The following GALR1 variants were observed in gnomAD, a reference collection of about 807,000 sequenced individuals.
GALR1 encodes the protein galanin receptor type 1.
GALR1 carries 11 observed loss-of-function variants against 17.9 expected under a neutral mutation model. That is an observed-to-expected ratio of 0.62 (90% CI 0.39 to 1.02). The LOEUF is 1.02. GALR1 is among the 50% of genes least tolerant of loss of function. The pLI is 0.01. For missense variants in GALR1, 441 were observed against 456.9 expected, an observed-to-expected ratio of 0.97 and a Z score of 0.32; for synonymous variants, 206 against 205.7, an observed-to-expected ratio of 1.00 and a Z score of -0.01.
At chr18:77,257,163 C>A (rs2144954512) in intron 2 of GALR1, among the ~76,000 whole-genome samples, 1 of 152,284 alleles carries the variant, frequency 6.6e-6, no homozygotes, top group African/African-American at 2.4e-5. Flanking sequence ...TAAAGGACAG[C>A]TCTTCCTGAC....
At chr18:77,260,472 C>T (rs1410721021) in intron 2 of GALR1, among the ~76,000 whole-genome samples, 3 of 152,224 alleles carry the variant, frequency 2.0e-5, no homozygotes, top group African/African-American at 4.8e-5. Flanking sequence ...GCTCCCCCCA[C>T]CTCATGACCT....
chr18:77,262,785 C>G (rs941763565), intron 2 of GALR1, among the ~76,000 whole-genome samples: 2 of 152,238 alleles, frequency 1.3e-5, no homozygotes, highest in Non-Finnish European at 2.9e-5. Context: ...ATTAAGCCTT[C>G]TTTCCTGATA....
In GALR1 at chr18:77,268,766, T is replaced by C. The variant is rs989912271; in HGVS notation, c.914T>C (p.Phe305Ser). 18 of 1,614,092 alleles carry C rather than the reference T, an allele frequency of 1.1e-5. No homozygotes were observed. Among genetic ancestry groups the C allele is most frequent in the Non-Finnish European group, 1.4e-5 (17 of 1,180,046 alleles). ...TCCGTGAATCCTATCATTTATGCAT[T>C]TCTCTCTGAAAATTTCAGGAAGGCC... Reference protein sequence around the residue: ...NSSVNPIIYAFLSENFRKAYK... With the variant: ...NSSVNPIIYASLSENFRKAYK... The change falls in exon 3 of 3, where the codon TTT (phenylalanine) becomes TCT (serine). Residue 305 changes from phenylalanine to serine, a missense_variant. Phe to Ser is a radical substitution (Grantham distance 155). Transcript: ENST00000299727.
intron 1 of GALR1, chr18:77,253,864 AGC>A (rs1912525013): frequency 1.3e-5 from 2 of 152,206 alleles, no homozygotes; most frequent in Non-Finnish European, 2.9e-5. Context: ...TTTGTAAGGG[AGC>A]AGTCTTTTGC....
rs1360744026 is a variant in GALR1, at chr18:77,271,710, G to T, written c.*2808G>T. On this transcript the variant is annotated 3_prime_UTR_variant, in exon 3 of 3. Transcript: ENST00000299727. ...ACTCACATTTTCAGTTTACTTCAAAGAAAACTGATGCTTTCTAAGCAGATT... is the reference window on the plus strand; with the variant it reads ...ACTCACATTTTCAGTTTACTTCAAATAAAACTGATGCTTTCTAAGCAGATT... The T allele has an allele frequency of 6.6e-6, 1 of 152,158 alleles. No homozygotes were observed. Among genetic ancestry groups the T allele is most frequent in the Non-Finnish European group, 1.5e-5 (1 of 68,024 alleles). 9.4% of individuals were successfully genotyped at this position (152,158 alleles called of 1,614,324 possible).
In GALR1 at chr18:77,270,853, C is replaced by T. The variant is rs1331242734; in HGVS notation, c.*1951C>T. On this transcript the variant is annotated 3_prime_UTR_variant, in exon 3 of 3. Coordinates refer to ENST00000299727, the MANE Select transcript of GALR1 (RefSeq NM_001480.4). ...GTCTTAAAGAATATGTCCTTTGCAT[C>T]GAATGTTTTTTGCACTTTATTCAAA... 1.3e-5 allele frequency: 2 copies of T among 152,110 alleles called. No individual in the cohort carries two copies. The highest frequency in any genetic ancestry group is 2.9e-5 in the Non-Finnish European group (2 of 68,018). 9.4% of individuals were successfully genotyped at this position (152,110 alleles called of 1,614,324 possible).
At chr18:77,267,981 T>C (rs575401727) in intron 2 of GALR1, among the ~76,000 whole-genome samples, 6 of 152,340 alleles carry the variant, frequency 3.9e-5, no homozygotes, top group African/African-American at 1.4e-4. Context: ...GATTTCTAAG[T>C]ATTTCTGATT....
In GALR1 at chr18:77,270,685, C is replaced by T. The variant is rs187798549; in HGVS notation, c.*1783C>T. On this transcript the variant is annotated 3_prime_UTR_variant, in exon 3 of 3. Coordinates refer to ENST00000299727, the MANE Select transcript of GALR1 (RefSeq NM_001480.4). ...AGCTCATTCACTTACTTTCACTAAT[C>T]ATATTTCAGTGACTAGTGTTTACAT... 2.1e-4 allele frequency: 32 copies of T among 152,182 alleles called. No individual in the cohort carries two copies. In the East Asian group the frequency reaches 5.6e-3, roughly 27 times the overall value. The allele number at this position is 152,182 out of a possible 1,614,324, so 9.4% of individuals were successfully genotyped here. A position where few individuals can be genotyped will look rare whatever the true frequency, so the allele number is the denominator to read the frequency against.
At chr18:77,255,049 T>C (rs1912555124) in intron 1 of GALR1, among the ~76,000 whole-genome samples, 1 of 152,230 alleles carries the variant, frequency 6.6e-6, no homozygotes, top group Non-Finnish European at 1.5e-5. Flanking sequence ...AGCAGGCTTT[T>C]GCAATAAGTT....
At position 77,269,823 on chromosome 18, in the gene GALR1, T is replaced by C. The variant is rs1913025169; in HGVS notation, c.*921T>C. On this transcript the variant is annotated 3_prime_UTR_variant, in exon 3 of 3. Transcript: ENST00000299727. The stretch of plus-strand genomic sequence containing the variant: ...CTATGGGACCAAAGACTAGACAGAA[T>C]TCAGTAAGTCACATGAAGTAATGGT... The C allele has an allele frequency of 6.6e-6, 1 of 152,200 alleles. No individual in the cohort carries two copies. The highest frequency in any genetic ancestry group is 6.5e-5 in the Admixed American group (1 of 15,282). The allele number at this position is 152,200 out of a possible 1,614,324, so 9.4% of individuals were successfully genotyped here. A position where few individuals can be genotyped will look rare whatever the true frequency, so the allele number is the denominator to read the frequency against.
chr18:77,272,812 G>A lies in GALR1; in HGVS notation c.*3910G>A, dbSNP rs1913088532. On this transcript the variant is annotated 3_prime_UTR_variant, in exon 3 of 3. Coordinates refer to ENST00000299727, the MANE Select transcript of GALR1 (RefSeq NM_001480.4). ...TTAAAATTCAGATAGTTACATGTTGGCCTGGAAAGAACAAAATTATGAAAT... is the reference window on the plus strand; with the variant it reads ...TTAAAATTCAGATAGTTACATGTTGACCTGGAAAGAACAAAATTATGAAAT... The A allele has an allele frequency of 6.6e-6, 1 of 152,154 alleles. No individual in the cohort carries two copies. Among genetic ancestry groups the A allele is most frequent in the African/African-American group, 2.4e-5 (1 of 41,436 alleles). The allele number at this position is 152,154 out of a possible 1,614,324, so 9.4% of individuals were successfully genotyped here. A position where few individuals can be genotyped will look rare whatever the true frequency, so the allele number is the denominator to read the frequency against.
rs1913115612 is a variant in GALR1, at chr18:77,274,310, A to C, written c.*5408A>C. The C allele has an allele frequency of 1.3e-5, 2 of 152,168 alleles. No homozygotes were observed. The highest frequency in any genetic ancestry group is 1.3e-4 in the Admixed American group (2 of 15,278). The allele number at this position is 152,168 out of a possible 1,614,324, so 9.4% of individuals were successfully genotyped here. On this transcript the variant is annotated 3_prime_UTR_variant, in exon 3 of 3. Coordinates refer to ENST00000299727, the MANE Select transcript of GALR1 (RefSeq NM_001480.4). ...ATAGAACTTTTCCAGTATGGTGAGCATCAAAGTAGGCAGACATCCAAAAGC... is the reference window on the plus strand; with the variant it reads ...ATAGAACTTTTCCAGTATGGTGAGCCTCAAAGTAGGCAGACATCCAAAAGC...
intron 1 of GALR1, among the ~76,000 whole-genome samples, chr18:77,252,058 A>AGC (rs1912431184): frequency 6.6e-6 from 1 of 152,080 alleles, no homozygotes; most frequent in Admixed American, 6.5e-5. Flanking sequence ...CTTCACCCTA[A>AGC]CTGTAGCAGA....
intron 2 of GALR1, among the ~76,000 whole-genome samples, chr18:77,265,410 C>T (rs895961789): frequency 8.5e-5 from 13 of 152,218 alleles, no homozygotes; most frequent in Non-Finnish European, 1.3e-4. Context: ...AGCCCCCTTC[C>T]GGGCTGCCTT....
chr18:77,250,485 G>T lies in GALR1; in HGVS notation c.-64G>T. On this transcript the variant is annotated 5_prime_UTR_variant, in exon 1 of 3. Transcript: ENST00000299727. ...GCGCCGGGACCCCTGGCCACCCCCG[G>T]CGCCTACTATCCCGCCCTCCCTCCC... 8 of 1,400,102 alleles carry T rather than the reference G, an allele frequency of 5.7e-6. No homozygotes were observed. In the South Asian group the frequency reaches 1.1e-4, roughly 19 times the overall value. The allele number at this position is 1,400,102 out of a possible 1,614,324, so 86.7% of individuals were successfully genotyped here.
Position 77,270,124 on chromosome 18 carries a change from ATTGTC to A in GALR1, c.*1227_*1231del, listed in dbSNP as rs1479277055. 1 of 152,216 alleles carries A rather than the reference ATTGTC, an allele frequency of 6.6e-6. No individual in the cohort carries two copies. Among genetic ancestry groups the A allele is most frequent in the Non-Finnish European group, 1.5e-5 (1 of 68,034 alleles). 9.4% of individuals were successfully genotyped at this position (152,216 alleles called of 1,614,324 possible). Reference sequence around the variant, plus strand: ...TGAGAAAATGGCATGAAAATATTAAATTGTCTTGTATCGGAAAAGTACTTTTCAGA... The same window carrying A: ...TGAGAAAATGGCATGAAAATATTAAATTGTATCGGAAAAGTACTTTTCAGA... On this transcript the variant is annotated 3_prime_UTR_variant, in exon 3 of 3. Coordinates refer to ENST00000299727, the MANE Select transcript of GALR1 (RefSeq NM_001480.4).
chr18:77,254,977 T>C (rs1460764626), intron 1 of GALR1, among the ~76,000 whole-genome samples: 1 of 152,174 alleles, frequency 6.6e-6, no homozygotes, highest in Non-Finnish European at 1.5e-5. Flanking sequence ...GGTAAATATA[T>C]CCTGTGGCTT....
rs1254002944 is a variant in GALR1, at chr18:77,250,495, T to TCCCG, written c.-50_-47dup. 24 of 1,421,058 alleles carry TCCCG rather than the reference T, an allele frequency of 1.7e-5. No homozygotes were observed. The highest frequency in any genetic ancestry group is 6.2e-5 in the Admixed American group (2 of 32,418). The allele number at this position is 1,421,058 out of a possible 1,614,324, so 88.0% of individuals were successfully genotyped here. On this transcript the variant is annotated 5_prime_UTR_variant, in exon 1 of 3. Coordinates refer to ENST00000299727, the MANE Select transcript of GALR1 (RefSeq NM_001480.4). ...CCCTGGCCACCCCCGGCGCCTACTA[T>TCCCG]CCCGCCCTCCCTCCCCGCGCGCCCC... is the stretch of plus-strand genomic sequence containing the variant.
chr18:77,264,689 G>T (rs997512851), intron 2 of GALR1, among the ~76,000 whole-genome samples: 5 of 152,180 alleles, frequency 3.3e-5, no homozygotes, highest in African/African-American at 1.2e-4. Context: ...CTTCCACAGG[G>T]CTGGGGAGGC....
Sources: allele counts gnomAD v4.1 joint callset (sites outside exome capture counted in the v4.1 genomes callset), GRCh38; gene constraint gnomAD v4.1.1; transcripts MANE v1.5; gene names NCBI Gene and HGNC (gene_info 2026-07-23, HGNC 2026-07-21).